The following XRCC1 variants were observed in gnomAD, a reference collection of about 807,000 sequenced individuals.
The protein encoded by XRCC1 is DNA repair protein XRCC1.
Under a neutral mutation model 83.3 loss-of-function variants are expected in XRCC1, and 52 were observed. The observed-to-expected ratio is 0.62, with a 90% CI of 0.50 to 0.79. XRCC1 has a LOEUF of 0.79. Ranked by LOEUF, XRCC1 falls within the 30% of genes least tolerant of loss-of-function variation. The pLI, the probability that XRCC1 is intolerant of heterozygous loss-of-function variation, is 0.00. For synonymous variants in XRCC1, 281 were observed against 312.6 expected, an observed-to-expected ratio of 0.90 and a Z score of 1.07; for missense variants, 793 against 823.5, an observed-to-expected ratio of 0.96 and a Z score of 0.45.
intron 3 of XRCC1, among the ~76,000 whole-genome samples, chr19:43,558,491 A>T (rs1159900763): frequency 6.6e-6 from 1 of 151,698 alleles, no homozygotes; most frequent in African/African-American, 2.4e-5. Flanking sequence ...TTTAAAAATT[A>T]GCCGGGCATG....
Position 43,570,150 on chromosome 19 carries a change from C to T in XRCC1, c.144+4760G>A, listed in dbSNP as rs550509472. On this transcript the variant is annotated intron_variant, in intron 2 of 16. Coordinates refer to ENST00000262887, the MANE Select transcript of XRCC1 (RefSeq NM_006297.3). ...AAACAGTAAAAACAAATTTAAGACA[C>T]CACAGTGGCGAACTGAGTGATTAGA... is the stretch of plus-strand genomic sequence containing the variant. Among the ~76,000 whole-genome samples, 7 of 152,318 alleles carry T rather than the reference C, an allele frequency of 4.6e-5. No individual in the cohort carries two copies. The South Asian group carries it at 1.5e-3, about 32-fold the overall frequency.
At chr19:43,553,586 G>A in intron 5 of XRCC1, 23 bp downstream of exon 5, 1 of 1,611,776 alleles carries the variant, frequency 6.2e-7, no homozygotes. Flanking sequence ...AGAAGGCCAT[G>A]GGGAGTGACA....
intron 2 of XRCC1, among the ~76,000 whole-genome samples, chr19:43,565,946 A>G (rs1568517773): frequency 1.3e-5 from 2 of 151,934 alleles, no homozygotes; most frequent in Non-Finnish European, 2.9e-5. Context: ...TCAAGAGAGA[A>G]AACAACAGGC....
intron 3 of XRCC1, among the ~76,000 whole-genome samples, chr19:43,557,822 A>G (rs1600053468): frequency 7.8e-5 from 11 of 140,398 alleles, no homozygotes; most frequent in Non-Finnish European, 1.1e-4. Context: ...AAAAAAAAGG[A>G]AGGAGGGAGG....
chr19:43,561,941 C>G (rs1972703716), intron 2 of XRCC1, among the ~76,000 whole-genome samples: 1 of 152,044 alleles, frequency 6.6e-6, no homozygotes, highest in Admixed American at 6.6e-5. Context: ...CAGTGGACCA[C>G]TTGAGGCCAG....
chr19:43,543,406 C>T lies in XRCC1; in HGVS notation c.1888G>A (p.Val630Met), dbSNP rs1214620286. ...KLLPHQLYGV[V>M]PQA Reference sequence around the variant, plus strand: ...TAGCACATACTTCAGGCTTGCGGCACCACCCCATAGAGCTGGTGAGGAAGT... The same window carrying T: ...TAGCACATACTTCAGGCTTGCGGCATCACCCCATAGAGCTGGTGAGGAAGT... Residue 630 changes from valine to methionine, a missense_variant, in exon 17 of 17, where the codon GTG (valine) becomes ATG (methionine). Physicochemically the swap from Val to Met is conservative, Grantham distance 21. Transcript: ENST00000262887. 6.2e-7 allele frequency: 1 copy of T among 1,608,382 alleles called. No homozygotes were observed. The highest frequency in any genetic ancestry group is 1.1e-5 in the South Asian group (1 of 91,022).
rs11878615 is a variant in XRCC1, at chr19:43,565,410, C to T, written c.145-4390G>A. On this transcript the variant is annotated intron_variant, in intron 2 of 16. Transcript: ENST00000262887. ...ACACAAGCTAATAACTAGCAGAGTACTTCGGACGCAACTGCCTGACTGCAA... is the reference window on the plus strand; with the variant it reads ...ACACAAGCTAATAACTAGCAGAGTATTTCGGACGCAACTGCCTGACTGCAA... Among the ~76,000 whole-genome samples the T allele has an allele frequency of 7.3e-3, 1,111 of 152,316 alleles. 9 individuals carry two copies. The highest frequency in any genetic ancestry group is 0.024 in the African/African-American group (989 of 41,584).
chr19:43,565,605 T>C (rs1972744303), intron 2 of XRCC1, among the ~76,000 whole-genome samples: 1 of 152,200 alleles, frequency 6.6e-6, no homozygotes, highest in Admixed American at 6.5e-5. Context: ...TATTTCTACT[T>C]TAAACAGGCA....
At position 43,575,499 on chromosome 19, in the gene XRCC1, G is replaced by A. The variant is rs55742768; in HGVS notation, c.-41C>T. Reference sequence around the variant, plus strand: ...TTCGCCTGGCCAGAAGGATGAGGTAGAGTATGGGGTCCGAGGGGCAGGGAG... The same window carrying A: ...TTCGCCTGGCCAGAAGGATGAGGTAAAGTATGGGGTCCGAGGGGCAGGGAG... On this transcript the variant is annotated 5_prime_UTR_variant, in exon 1 of 17. Coordinates refer to ENST00000262887, the MANE Select transcript of XRCC1 (RefSeq NM_006297.3). The A allele has an allele frequency of 1.2e-6, 2 of 1,605,702 alleles. No homozygotes were observed. The highest frequency in any genetic ancestry group is 1.3e-5 in the African/African-American group (1 of 74,814).
chr19:43,559,294 T>C (rs200179858), intron 3 of XRCC1, among the ~76,000 whole-genome samples: 60 of 151,528 alleles, frequency 4.0e-4, no homozygotes, highest in East Asian at 3.1e-3. Flanking sequence ...CCATCCTGGC[T>C]AACACAGTGA....
At chr19:43,574,880 A>G (rs1303840447) in intron 2 of XRCC1, 30 bp downstream of exon 2, 6 of 1,577,526 alleles carry the variant, frequency 3.8e-6, no homozygotes, top group Non-Finnish European at 5.2e-6. Flanking sequence ...CCAGACTCCT[A>G]GTGAGGAGGA....
chr19:43,554,899 G>A, intron 3 of XRCC1, 95 bp from the exon 4 acceptor site: 1 of 1,391,212 alleles, frequency 7.2e-7, no homozygotes. Flanking sequence ...GGCCCACACA[G>A]GGGACTGGGA....
chr19:43,551,639 TC>T lies in XRCC1; in HGVS notation c.1130del (p.Gly377GlufsTer92), dbSNP rs775826265. Reference protein sequence around the residue: ...TPKYSQVLGLGGRIVRKEWVL... With the variant: ...TPKYSQVLGLXGRIVRKEWVL... Reference sequence around the variant, plus strand: ...CCCACTCCTTACGCACGATGCGGCCTCCCAGGCCTAGGACCTGGCTGTACTT... The same window carrying T: ...CCCACTCCTTACGCACGATGCGGCCTCCAGGCCTAGGACCTGGCTGTACTT... On this transcript the variant is annotated frameshift_variant, in exon 10 of 17. Coordinates refer to ENST00000262887, the MANE Select transcript of XRCC1 (RefSeq NM_006297.3). LOFTEE classifies it high-confidence loss of function. 1.9e-6 allele frequency: 3 copies of T among 1,614,162 alleles called. No individual in the cohort carries two copies. The highest frequency in any genetic ancestry group is 2.5e-6 in the Non-Finnish European group (3 of 1,180,022).
At chr19:43,551,467 G>A (rs1392268566) in intron 10 of XRCC1, 104 bp downstream of exon 10, 4 of 1,015,208 alleles carry the variant, frequency 3.9e-6, no homozygotes, top group Non-Finnish European at 4.5e-6. Context: ...TCTGGGCTGG[G>A]ACCACCTGTG....
chr19:43,564,618 G>A (rs774894597), intron 2 of XRCC1, among the ~76,000 whole-genome samples: 7 of 152,010 alleles, frequency 4.6e-5, no homozygotes, highest in Middle Eastern at 3.4e-3. Context: ...CAGAAACTCC[G>A]TCTCTACTAA....
chr19:43,550,445 G>T (rs576874855), intron 10 of XRCC1, among the ~76,000 whole-genome samples: 1 of 152,214 alleles, frequency 6.6e-6, no homozygotes, highest in South Asian at 2.1e-4. Context: ...CCAGTGTGTA[G>T]CCTGGGCTCC....
At chr19:43,568,962 T>C (rs1230368019) in intron 2 of XRCC1, among the ~76,000 whole-genome samples, 2 of 149,210 alleles carry the variant, frequency 1.3e-5, no homozygotes, top group Admixed American at 1.4e-4. Context: ...CTCAGGAAGC[T>C]GCCTCCAAAA....
chr19:43,571,519 T>C (rs574342150), intron 2 of XRCC1, among the ~76,000 whole-genome samples: 1 of 152,362 alleles, frequency 6.6e-6, no homozygotes, highest in African/African-American at 2.4e-5. Flanking sequence ...CTTTTGTTTT[T>C]AAGAGACAGC....
chr19:43,574,832 G>T, intron 2 of XRCC1, 78 bp downstream of exon 2: 2 of 1,200,146 alleles, frequency 1.7e-6, no homozygotes, highest in Non-Finnish European at 1.2e-6. Context: ...TAAACCCACT[G>T]CCAGTTGGCT....
Sources: allele counts gnomAD v4.1 joint callset (sites outside exome capture counted in the v4.1 genomes callset), GRCh38; gene constraint gnomAD v4.1.1; transcripts MANE v1.5; gene names NCBI Gene and HGNC (gene_info 2026-07-23, HGNC 2026-07-21).